Variants in ZFAT observed in about 807,000 individuals in gnomAD.
ZFAT encodes the protein zinc finger protein ZFAT.
In ZFAT, 64 loss-of-function variants were observed where a neutral mutation model predicts 117.7. The observed-to-expected ratio is 0.54, with a 90% CI of 0.44 to 0.67. The LOEUF (loss-of-function observed/expected upper bound fraction) is 0.67. Among genes scored for constraint, ZFAT ranks in the 30% least tolerant of loss-of-function variants. The pLI is 0.00. For missense variants in ZFAT, 1,433 were observed against 1,584.5 expected (o/e 0.90, Z 1.62); for synonymous variants, 679 against 615.0 (o/e 1.10, Z -1.54).
At chr8:134,753,265 G>C in the ZFAT span, among the ~76,000 whole-genome samples, 4 of 62,574 alleles carry the variant, frequency 6.4e-5, no homozygotes, top group Non-Finnish European at 1.1e-4. Flanking sequence ...ATCTATTTTG[G>C]GGGGGCAGAG....
At chr8:134,584,445 T>C (rs1296777817) in intron 9 of ZFAT, among the ~76,000 whole-genome samples, 1 of 152,234 alleles carries the variant, frequency 6.6e-6, no homozygotes, top group Non-Finnish European at 1.5e-5. Context: ...AGACAGTCAC[T>C]AAATTCAATT....
chr8:134,669,013 T>G (rs140884440), intron 1 of ZFAT, among the ~76,000 whole-genome samples: 1 of 151,978 alleles, frequency 6.6e-6, no homozygotes, highest in Non-Finnish European at 1.5e-5. Context: ...TGATTGAAGA[T>G]CAAATGAATG....
At position 134,657,545 on chromosome 8, in the gene ZFAT, C is replaced by A. The variant is rs753937469; in HGVS notation, c.196+16G>T. ...TGTGTCAGAAGGTATCCTGCCCCAC[C>A]CCCCAGCCCCCTTACCATCTCCGGT... On this transcript the variant is annotated intron_variant, in intron 2 of 15. Coordinates refer to ENST00000377838, the MANE Select transcript of ZFAT (RefSeq NM_020863.4). 2 of 1,589,434 alleles carry A rather than the reference C, an allele frequency of 1.3e-6. No individual in the cohort carries two copies. The highest frequency in any genetic ancestry group is 1.7e-5 in the Admixed American group (1 of 57,214).
At chr8:134,770,778 G>A in the ZFAT span, among the ~76,000 whole-genome samples, 1 of 152,234 alleles carries the variant, frequency 6.6e-6, no homozygotes, top group Non-Finnish European at 1.5e-5. Context: ...CTGAGAAAGA[G>A]AATGTGCACC....
chr8:134,483,896 G>A lies in ZFAT; in HGVS notation c.3493-5175C>T, dbSNP rs140172813. Among the ~76,000 whole-genome samples, 16 of 152,274 alleles carry A rather than the reference G, an allele frequency of 1.1e-4. No individual in the cohort carries two copies. The Middle Eastern group carries it at 0.01, about 97-fold the overall frequency. Reference sequence around the variant, plus strand: ...ATCGTCATCCATTCATCCAGCAAACGCTGATGGATCCTCTGCGGTGCGCCA... The same window carrying A: ...ATCGTCATCCATTCATCCAGCAAACACTGATGGATCCTCTGCGGTGCGCCA... On this transcript the variant is annotated intron_variant, in intron 15 of 15. Coordinates refer to ENST00000377838, the MANE Select transcript of ZFAT (RefSeq NM_020863.4).
chr8:134,665,184 T>C (rs9785154), intron 1 of ZFAT, among the ~76,000 whole-genome samples: 52,565 of 152,020 alleles, frequency 0.35, 9,450 homozygotes, highest in South Asian at 0.43. Flanking sequence ...TCATAGGCCC[T>C]GAGGGGGAGA....
At chr8:134,489,035 A>AT (rs975282585) in intron 15 of ZFAT, among the ~76,000 whole-genome samples, 2 of 151,454 alleles carry the variant, frequency 1.3e-5, no homozygotes, top group African/African-American at 4.9e-5. Flanking sequence ...CAAAGAGGAA[A>AT]AAAAAAAAAA....
intron 3 of ZFAT, among the ~76,000 whole-genome samples, chr8:134,615,050 C>T (rs932604195): frequency 1.3e-5 from 2 of 152,196 alleles, no homozygotes; most frequent in Non-Finnish European, 2.9e-5. Context: ...CAGAACACCA[C>T]GCACCTTCAA....
At chr8:134,653,557 A>G (rs1831414820) in intron 2 of ZFAT, among the ~76,000 whole-genome samples, 1 of 150,782 alleles carries the variant, frequency 6.6e-6, no homozygotes. Flanking sequence ...AAGCCATCAC[A>G]CACAGCCGAA....
chr8:134,794,272 T>C, the ZFAT span: 10,661 of 152,304 alleles, frequency 0.07, 493 homozygotes, highest in African/African-American at 0.13. Context: ...TTATAAGTAC[T>C]GATCTGAAAA....
At chr8:134,823,458 T>G in the ZFAT span, among the ~76,000 whole-genome samples, 7 of 152,306 alleles carry the variant, frequency 4.6e-5, no homozygotes, top group Non-Finnish European at 8.8e-5. Context: ...ATACATTAAT[T>G]CCTGGCTACT....
intron 3 of ZFAT, among the ~76,000 whole-genome samples, chr8:134,619,378 G>C (rs944704411): frequency 5.3e-5 from 8 of 152,048 alleles, no homozygotes; most frequent in African/African-American, 1.4e-4. Context: ...AAAACCGTAA[G>C]TCCACCCATT....
intron 14 of ZFAT, chr8:134,511,058 T>G (rs1260539792): frequency 6.6e-6 from 1 of 152,222 alleles, no homozygotes; most frequent in Non-Finnish European, 1.5e-5. Context: ...GTGTGTCCCT[T>G]CTGAGAGCTG....
At chr8:134,651,716 G>C (rs1464683723) in intron 2 of ZFAT, among the ~76,000 whole-genome samples, 1 of 152,108 alleles carries the variant, frequency 6.6e-6, no homozygotes, top group Non-Finnish European at 1.5e-5. Flanking sequence ...ATGAAGCAGA[G>C]GCAATACCAA....
the ZFAT span, among the ~76,000 whole-genome samples, chr8:134,824,559 G>C: frequency 6.6e-6 from 1 of 152,160 alleles, no homozygotes; most frequent in African/African-American, 2.4e-5. Context: ...CTCTCAGCAA[G>C]AGTTTCAAAA....
intron 2 of ZFAT, among the ~76,000 whole-genome samples, chr8:134,653,282 AAAAAAAAAAC>A (rs752894204): frequency 0.059 from 7,732 of 130,948 alleles, 383 homozygotes; most frequent in Non-Finnish European, 0.082. Flanking sequence ...AAAAAAAAAA[AAAAAAAAAAC>A]AAAAAACAGG....
intron 15 of ZFAT, among the ~76,000 whole-genome samples, chr8:134,505,302 A>G (rs1217230682): frequency 6.6e-6 from 1 of 152,188 alleles, no homozygotes; most frequent in Non-Finnish European, 1.5e-5. Context: ...TGCATGAAAA[A>G]ATAAGTCATT....
chr8:134,657,519 G>C, intron 2 of ZFAT, 42 bp downstream of exon 2: 7 of 1,541,170 alleles, frequency 4.5e-6, no homozygotes, highest in Non-Finnish European at 6.1e-6. Flanking sequence ...ACATCAACAG[G>C]TGTGTCAGAA....
At chr8:134,786,371 A>G in the ZFAT span, among the ~76,000 whole-genome samples, 3 of 152,228 alleles carry the variant, frequency 2.0e-5, no homozygotes, top group Non-Finnish European at 2.9e-5. Flanking sequence ...ACTTGTAACA[A>G]TAACTATGGG....
Sources: gnomAD v4.1 joint callset for allele counts (sites outside exome capture counted in the v4.1 genomes callset) on GRCh38, gnomAD v4.1.1 for gene constraint, MANE v1.5 for transcripts, NCBI Gene and HGNC (gene_info 2026-07-23, HGNC 2026-07-21) for gene names.